Variants in CYBB observed in about 807,000 individuals in gnomAD.
CYBB encodes NADPH oxidase 2.
Under a neutral mutation model 46.5 loss-of-function variants are expected in CYBB, and 5 were observed. The ratio of observed to expected loss-of-function variants is 0.11; its 90% CI spans 0.06 to 0.23. The LOEUF is 0.23. Ranked by LOEUF, CYBB falls within the 10% of genes least tolerant of loss-of-function variation. CYBB has a pLI of 1.00. For synonymous variants in CYBB, 183 were observed against 156.7 expected (o/e 1.17, Z -1.26); for missense variants, 307 against 428.3 (o/e 0.72, Z 2.50).
intron 8 of CYBB, among the ~76,000 whole-genome samples, chrX:37,803,340 G>T (rs1412772347): frequency 1.8e-5 from 2 of 110,664 alleles, no homozygotes; most frequent in African/African-American, 6.6e-5. Context: ...TCATCCTCTT[G>T]GGGGATAGGA....
intron 7 of CYBB, among the ~76,000 whole-genome samples, chrX:37,800,629 A>G (rs1162616544): frequency 4.5e-5 from 5 of 111,446 alleles, no homozygotes; most frequent in Non-Finnish European, 7.5e-5. Context: ...CAATGTTTTT[A>G]TATGGCCAAT....
intron 3 of CYBB, among the ~76,000 whole-genome samples, chrX:37,788,123 C>T (rs956575150): frequency 5.4e-5 from 6 of 112,098 alleles, no homozygotes; most frequent in South Asian, 7.2e-4. Context: ...TAAGGATCTA[C>T]AGTTAAAGCT....
At chrX:37,799,712 G>T (rs1259253903) in intron 7 of CYBB, among the ~76,000 whole-genome samples, 1 of 111,311 alleles carries the variant, frequency 9.0e-6, no homozygotes, top group Non-Finnish European at 1.9e-5. Flanking sequence ...AGCTCTGAAG[G>T]GTTCCATTTT....
At chrX:37,783,372 G>T in intron 2 of CYBB, 118 bp from the exon 3 acceptor site, 2 of 537,863 alleles carry the variant, frequency 3.7e-6, no homozygotes, top group Non-Finnish European at 6.7e-6. Flanking sequence ...GGACCTTCCT[G>T]TACAGATCAC....
chrX:37,805,174 T>A lies in CYBB; in HGVS notation c.1314+6T>A, dbSNP rs781915760. ...CCAATCTGAAGCTCAAAAAGGTAAG[T>A]CCTTTCATTTATCGGAGGGCCTTAG... On this transcript the variant is annotated splice_donor_region_variant and intron_variant, in intron 10 of 12. Coordinates refer to ENST00000378588, the MANE Select transcript of CYBB (RefSeq NM_000397.4). 1 of 1,207,294 alleles carries A rather than the reference T, an allele frequency of 8.3e-7. No homozygotes were observed. The highest frequency in any genetic ancestry group is 2.2e-5 in the Admixed American group (1 of 45,704).
At chrX:37,800,382 G>A (rs192973023) in intron 7 of CYBB, among the ~76,000 whole-genome samples, 3 of 111,449 alleles carry the variant, frequency 2.7e-5, no homozygotes, top group Admixed American at 9.6e-5. Context: ...CTTCAAGTTT[G>A]GCTGAAGATG....
rs1446420646 is a variant in CYBB, at chrX:37,811,599, C to T, written c.*682C>T. On this transcript the variant is annotated 3_prime_UTR_variant, in exon 13 of 13. Transcript: ENST00000378588. The stretch of plus-strand genomic sequence containing the variant: ...GAGTTAATGTAATACTCATCATTTA[C>T]CACTGTGCTTGGCAGAGAGCGGATA... 1 of 112,188 alleles carries T rather than the reference C, an allele frequency of 8.9e-6. No individual in the cohort carries two copies. 9.2% of individuals were successfully genotyped at this position (112,188 alleles called of 1,213,427 possible).
chrX:37,787,687 A>T (rs1929100730), intron 3 of CYBB, among the ~76,000 whole-genome samples: 2 of 112,010 alleles, frequency 1.8e-5, no homozygotes, highest in Admixed American at 1.9e-4. Flanking sequence ...AAAGCATATA[A>T]ATGCAATCTG....
At chrX:37,795,390 G>A (rs1471553618) in intron 5 of CYBB, among the ~76,000 whole-genome samples, 1 of 111,659 alleles carries the variant, frequency 9.0e-6, no homozygotes, top group Non-Finnish European at 1.9e-5. Context: ...TATCCCCTGT[G>A]AGACTGCCTG....
At chrX:37,788,609 T>G (rs140504495) in intron 3 of CYBB, among the ~76,000 whole-genome samples, 1,605 of 111,547 alleles carry the variant, frequency 0.014, 27 homozygotes, top group African/African-American at 0.048. Context: ...AGGGACTAAC[T>G]ATGATAATTA....
intron 3 of CYBB, among the ~76,000 whole-genome samples, chrX:37,788,616 A>G (rs1200950198): frequency 9.0e-6 from 1 of 111,573 alleles, no homozygotes; most frequent in Non-Finnish European, 1.9e-5. Context: ...AACTATGATA[A>G]TTATACAGGT....
chrX:37,795,964 G>A lies in CYBB; in HGVS notation c.497G>A (p.Gly166Asp). 8.4e-7 allele frequency: 1 copy of A among 1,193,874 alleles called. No individual in the cohort carries two copies. Among genetic ancestry groups the A allele is most frequent in the Non-Finnish European group, 1.1e-6 (1 of 881,757 alleles). Residue 166 changes from glycine (G) to aspartate (D), a missense_variant, in exon 6 of 13, where the codon GGC becomes GAC. By Grantham distance (94) the Gly-to-Asp change is moderately conservative. Around this residue, in one of 3 missense-constraint regions of CYBB, gnomAD observed 103 missense variants for 150.2 expected, o/e 0.69. Coordinates refer to ENST00000378588, the MANE Select transcript of CYBB (RefSeq NM_000397.4). The stretch of plus-strand genomic sequence containing the variant: ...TATATTTTACAGAACCCTGAAGGAG[G>A]CCTGTACCTGGCTGTGACCCTGTTG... Reference protein sequence around the residue: ...ARKRIKNPEGGLYLAVTLLAG... With the variant: ...ARKRIKNPEGDLYLAVTLLAG...
chrX:37,805,283 C>T (rs1419173347), intron 10 of CYBB, 115 bp downstream of exon 10: 2 of 733,819 alleles, frequency 2.7e-6, no homozygotes, highest in Non-Finnish European at 2.1e-6. Context: ...TGAAGAAAAG[C>T]TTCCGGTGGT....
chrX:37,786,888 G>A (rs1326207305), intron 3 of CYBB, among the ~76,000 whole-genome samples: 2 of 110,659 alleles, frequency 1.8e-5, no homozygotes, highest in Admixed American at 1.9e-4. Context: ...CTAGTCTCTT[G>A]GGCTTTCTGT....
intron 11 of CYBB, 151 bp from the exon 12 acceptor site, chrX:37,809,416 G>C: frequency 1.7e-6 from 1 of 600,184 alleles, no homozygotes; most frequent in Non-Finnish European, 2.7e-6. Flanking sequence ...ACTGTAAATT[G>C]CTTGAGAGAG....
chrX:37,801,619 TGTGTG>T (rs1929443056), intron 8 of CYBB, among the ~76,000 whole-genome samples: 1 of 109,045 alleles, frequency 9.2e-6, no homozygotes, highest in African/African-American at 3.3e-5. Context: ...TGTGTGTGTG[TGTGTG>T]TGTGTTTGTG....
intron 7 of CYBB, among the ~76,000 whole-genome samples, chrX:37,800,186 C>G (rs907719237): frequency 2.7e-5 from 3 of 111,456 alleles, no homozygotes; most frequent in Non-Finnish European, 5.7e-5. Flanking sequence ...GTACTAGTAC[C>G]TTAGCAGAAA....
At chrX:37,782,369 C>G (rs1556464624) in intron 2 of CYBB, among the ~76,000 whole-genome samples, 186 bp downstream of exon 2, 1 of 112,386 alleles carries the variant, frequency 8.9e-6, no homozygotes, top group Non-Finnish European at 1.9e-5. Flanking sequence ...CTGGGACCAA[C>G]AAAAGTGGGG....
intron 4 of CYBB, 90 bp from the exon 5 acceptor site, chrX:37,793,575 A>G (rs1929240225): frequency 6.9e-6 from 7 of 1,014,789 alleles, no homozygotes; most frequent in Non-Finnish European, 8.3e-6. Context: ...GTGGCTTATC[A>G]TAGAGTCAGA....
Sources: allele counts gnomAD v4.1 joint callset (sites outside exome capture counted in the v4.1 genomes callset), GRCh38; gene constraint gnomAD v4.1.1; regional missense constraint gnomAD v4.1.1; transcripts MANE v1.5; gene names NCBI Gene and HGNC (gene_info 2026-07-23, HGNC 2026-07-21).